The following UTP20 variants were observed in gnomAD, a reference collection of about 807,000 sequenced individuals.
The protein encoded by UTP20 is UTP20 small subunit processome component.
UTP20 carries 164 observed loss-of-function variants against 329.5 expected under a neutral mutation model. That is an observed-to-expected ratio of 0.50 (90% CI 0.44 to 0.57). The LOEUF (loss-of-function observed/expected upper bound fraction) is 0.57. UTP20 is among the 20% of genes least tolerant of loss of function. The pLI is 0.00. For synonymous variants in UTP20, 1,151 were observed against 1,159.3 expected (o/e 0.99, Z 0.14); for missense variants, 3,055 against 3,284.2 (o/e 0.93, Z 1.71).
At chr12:101,317,445 C>T in intron 21 of UTP20, 33 bp from the exon 22 acceptor site, 1 of 1,606,982 alleles carries the variant, frequency 6.2e-7, no homozygotes, top group Non-Finnish European at 8.5e-7. Flanking sequence ...GTGCGTTCTT[C>T]ATCAGTATCC....
intron 43 of UTP20, among the ~76,000 whole-genome samples, chr12:101,360,994 G>A (rs1869894972): frequency 6.6e-6 from 1 of 152,170 alleles, no homozygotes; most frequent in Non-Finnish European, 1.5e-5. Flanking sequence ...AAAAGCTTGA[G>A]AGGCAGGATA....
At position 101,357,098 on chromosome 12, in the gene UTP20, T is replaced by G. The variant is rs1869751085; in HGVS notation, c.5691+16T>G. 6.3e-7 allele frequency: 1 copy of G among 1,596,844 alleles called. No homozygotes were observed. The highest frequency in any genetic ancestry group is 1.7e-5 in the Admixed American group (1 of 57,192). On this transcript the variant is annotated intron_variant, in intron 43 of 61. Coordinates refer to ENST00000261637, the MANE Select transcript of UTP20 (RefSeq NM_014503.3). ...TGGATACCAGGTAAATTGCATCTTG[T>G]GCTTTATATTCAAGTTGTATTGGAG...
At chr12:101,285,304 A>T (rs1307975451) in intron 2 of UTP20, among the ~76,000 whole-genome samples, 1 of 152,224 alleles carries the variant, frequency 6.6e-6, no homozygotes, top group East Asian at 1.9e-4. Context: ...CACAGAAAAT[A>T]ATTTTCCCTT....
intron 15 of UTP20, among the ~76,000 whole-genome samples, chr12:101,305,567 A>AAC (rs1233075427): frequency 2.5e-4 from 37 of 147,612 alleles, no homozygotes; most frequent in African/African-American, 8.6e-4. Flanking sequence ...TATTAAATTT[A>AAC]ATATTTAATA....
At chr12:101,367,280 G>C (rs563316266) in intron 47 of UTP20, among the ~76,000 whole-genome samples, 33 of 152,176 alleles carry the variant, frequency 2.2e-4, no homozygotes, top group Non-Finnish European at 4.1e-4. Flanking sequence ...GTGAGACCCT[G>C]TCTCTAAAAA....
At position 101,338,084 on chromosome 12, in the gene UTP20, G is replaced by A. The variant is rs1158700053; in HGVS notation, c.3675G>A (p.Gly1225=). ...CTTTGCTGGCTAAACAGAAGCCTGGGCACCCAGAATGTGATATCCTGACCA... is the reference window on the plus strand; with the variant it reads ...CTTTGCTGGCTAAACAGAAGCCTGGACACCCAGAATGTGATATCCTGACCA... ...YFPLLAKQKP[G]HPECDILTNV... The change falls in exon 30 of 62, where the codon GGG becomes GGA. Residue 1225 remains glycine, a synonymous_variant. Coordinates refer to ENST00000261637, the MANE Select transcript of UTP20 (RefSeq NM_014503.3). 4.3e-6 allele frequency: 7 copies of A among 1,613,986 alleles called. No homozygotes were observed. The highest frequency in any genetic ancestry group is 5.9e-6 in the Non-Finnish European group (7 of 1,180,016).
At chr12:101,337,628 G>T (rs572114482) in intron 29 of UTP20, among the ~76,000 whole-genome samples, 15 of 152,312 alleles carry the variant, frequency 9.8e-5, no homozygotes, top group African/African-American at 3.4e-4. Flanking sequence ...GGTTTTACGT[G>T]AGTGTATAAA....
rs1872100967 is a variant in UTP20 at position 101,290,388 on chromosome 12, G to C, written c.735+114G>C. The C allele has an allele frequency of 3.1e-6, 4 of 1,272,458 alleles. No homozygotes were observed. In the East Asian group the frequency reaches 9.9e-5, roughly 31 times the overall value. 78.8% of individuals were successfully genotyped at this position (1,272,458 alleles called of 1,614,324 possible). On this transcript the variant is annotated intron_variant, in intron 7 of 61. Coordinates refer to ENST00000261637, the MANE Select transcript of UTP20 (RefSeq NM_014503.3). ...CAGCCTAGAGTACATAGCACTAGATGAGGAGTGTTGGGTGTTCAGTAACAA... is the reference window on the plus strand; with the variant it reads ...CAGCCTAGAGTACATAGCACTAGATCAGGAGTGTTGGGTGTTCAGTAACAA...
Position 101,285,855 on chromosome 12 carries a change from C to A in UTP20, c.300C>A (p.Asn100Lys). ...QSLKTHLQVK[N>K]SFAYQPLLDL... ...TGAAGACTCACCTGCAAGTTAAGAA[C>A]AGTTTTGCCTATCAACCCCTTTTGG... Residue 100 changes from asparagine to lysine, a missense_variant, in exon 4 of 62, where the codon AAC becomes AAA. This residue lies in a region of UTP20 where 2,445 missense variants were observed against 2,575.5 expected (regional missense o/e 0.95). Transcript: ENST00000261637. 1 of 1,613,806 alleles carries A rather than the reference C, an allele frequency of 6.2e-7. No individual in the cohort carries two copies. Among genetic ancestry groups the A allele is most frequent in the Non-Finnish European group, 8.5e-7 (1 of 1,179,856 alleles).
rs756789889 is a variant in UTP20 at position 101,382,018 on chromosome 12, C to CAAAAAA, written c.7656+820_7656+825dup. Among the ~76,000 whole-genome samples, 70 of 107,232 alleles carry CAAAAAA rather than the reference C, an allele frequency of 6.5e-4. 3 individuals are homozygous for CAAAAAA. Among genetic ancestry groups the CAAAAAA allele is most frequent in the African/African-American group, 2.0e-3 (52 of 26,058 alleles). The allele number at this position is 107,232 out of a possible 152,430, so 70.3% of individuals were successfully genotyped here. A position where few individuals can be genotyped will look rare whatever the true frequency, so the allele number is the denominator to read the frequency against. On this transcript the variant is annotated intron_variant, in intron 58 of 61. Transcript: ENST00000261637. Reference sequence around the variant, plus strand: ...TGGGCAACAGAGCTAGACTCTGTATCAAAAAAAAAAAAAAAAAAGAGAGAG... The same window carrying CAAAAAA: ...TGGGCAACAGAGCTAGACTCTGTATCAAAAAAAAAAAAAAAAAAAAAAAAGAGAGAG...
intron 45 of UTP20, among the ~76,000 whole-genome samples, chr12:101,364,007 C>T (rs907841329): frequency 6.6e-6 from 1 of 152,126 alleles, no homozygotes; most frequent in Non-Finnish European, 1.5e-5. Flanking sequence ...CAGCTAAGAA[C>T]ATGAAGAAAT....
chr12:101,380,276 A>G (rs1303999764), intron 57 of UTP20, among the ~76,000 whole-genome samples: 4 of 151,866 alleles, frequency 2.6e-5, no homozygotes, highest in Non-Finnish European at 1.5e-5. Flanking sequence ...TACTTGGGAG[A>G]CTTACATAGG....
chr12:101,317,457 G>T, intron 21 of UTP20, 21 bp from the exon 22 acceptor site: 5 of 1,611,904 alleles, frequency 3.1e-6, no homozygotes, highest in Non-Finnish European at 4.2e-6. Flanking sequence ...TCAGTATCCT[G>T]TGACTTTCTT....
At chr12:101,303,823 C>T (rs1484854319) in intron 15 of UTP20, among the ~76,000 whole-genome samples, 9 of 152,180 alleles carry the variant, frequency 5.9e-5, no homozygotes, top group Admixed American at 5.9e-4. Context: ...ATCTCTTTGC[C>T]TTTCCAAATC....
chr12:101,374,965 CT>C, intron 55 of UTP20, 26 bp downstream of exon 55: 1 of 1,568,952 alleles, frequency 6.4e-7, no homozygotes, highest in East Asian at 2.2e-5. Flanking sequence ...GGGAATAAAA[CT>C]TTTCTAACTT....
At chr12:101,375,859 A>T in intron 56 of UTP20, 103 bp downstream of exon 56, 3 of 710,668 alleles carry the variant, frequency 4.2e-6, no homozygotes, top group Non-Finnish European at 6.8e-6. Context: ...AAAGTATACA[A>T]TGTCAGGAAA....
At chr12:101,332,156 G>A (rs552962031) in intron 27 of UTP20, among the ~76,000 whole-genome samples, 1 of 152,190 alleles carries the variant, frequency 6.6e-6, no homozygotes, top group East Asian at 1.9e-4. Context: ...TGACCAACAT[G>A]GAGAAACCCC....
At chr12:101,369,625 AGCACAATCATTTAAAGAGTC>A in intron 48 of UTP20, 76 bp from the exon 49 acceptor site, 1 of 678,410 alleles carries the variant, frequency 1.5e-6, no homozygotes, top group Admixed American at 2.3e-5. Context: ...TTATTTATTC[AGCACAATCATTTAAAGAGTC>A]TGCATAGCCT....
intron 15 of UTP20, among the ~76,000 whole-genome samples, chr12:101,303,034 C>A (rs1872562427): frequency 6.6e-6 from 1 of 152,104 alleles, no homozygotes; most frequent in Admixed American, 6.5e-5. Context: ...TTTAGCCAGC[C>A]TTTGATTTTG....
Sources: gnomAD v4.1 joint callset for allele counts (sites outside exome capture counted in the v4.1 genomes callset) on GRCh38, gnomAD v4.1.1 for gene constraint, gnomAD v4.1.1 regional missense constraint, MANE v1.5 for transcripts, NCBI Gene and HGNC (gene_info 2026-07-23, HGNC 2026-07-21) for gene names.